Variants in KSR1 observed in about 807,000 individuals in gnomAD.
KSR1 encodes the protein kinase suppressor of ras 1, also known as kinase suppressor of ras.
Under a neutral mutation model 92.9 loss-of-function variants are expected in KSR1, and 35 were observed. That is an observed-to-expected ratio of 0.38 (90% CI 0.29 to 0.50). The LOEUF is 0.50. Ranked by LOEUF, KSR1 falls within the 20% of genes least tolerant of loss-of-function variation. The probability of loss-of-function intolerance (pLI) is 0.94; values close to 1 mark genes in which losing one functional copy is unlikely to be tolerated. For missense variants in KSR1, 972 were observed against 1,158.5 expected (o/e 0.84, Z 2.34); for synonymous variants, 467 against 472.6 (o/e 0.99, Z 0.15).
At chr17:27,611,004 C>T (rs2073899100) in intron 17 of KSR1, among the ~76,000 whole-genome samples, 1 of 152,202 alleles carries the variant, frequency 6.6e-6, no homozygotes, top group African/African-American at 2.4e-5. Context: ...AGGCTCACCA[C>T]CCCGGTCACC....
intron 6 of KSR1, 99 bp from the exon 7 acceptor site, chr17:27,590,712 A>G (rs2073135168): frequency 8.9e-7 from 1 of 1,119,042 alleles, no homozygotes; most frequent in Admixed American, 2.0e-5. Context: ...GGATGGAGCC[A>G]AGACTCCCAG....
chr17:27,606,080 GA>G (rs1483758773), intron 14 of KSR1, among the ~76,000 whole-genome samples: 9 of 152,342 alleles, frequency 5.9e-5, no homozygotes, highest in Admixed American at 3.9e-4. Flanking sequence ...AGGAGCTTGA[GA>G]CCAGCCTGGG....
intron 18 of KSR1, among the ~76,000 whole-genome samples, chr17:27,613,423 AG>A (rs1016556502): frequency 1.2e-4 from 18 of 152,366 alleles, no homozygotes; most frequent in African/African-American, 3.6e-4. Context: ...TCAGCAAAAA[AG>A]AGGGGGTCCT....
chr17:27,610,246 G>A (rs772780294), intron 17 of KSR1, 48 bp downstream of exon 17: 23 of 1,610,888 alleles, frequency 1.4e-5, no homozygotes, highest in Non-Finnish European at 2.0e-5. Context: ...CAAAACAGAG[G>A]GCCCTGGTGG....
intron 2 of KSR1, among the ~76,000 whole-genome samples, chr17:27,573,307 C>T (rs2072381330): frequency 6.6e-6 from 1 of 152,232 alleles, no homozygotes. Flanking sequence ...TTCCCCAACA[C>T]CAAGGGAGGA....
At chr17:27,473,446 C>A (rs1049380204) in intron 1 of KSR1, among the ~76,000 whole-genome samples, 1 of 152,130 alleles carries the variant, frequency 6.6e-6, no homozygotes, top group Non-Finnish European at 1.5e-5. Flanking sequence ...GGTGGCCATT[C>A]GCAGAAAGGA....
Position 27,577,396 on chromosome 17 carries a change from G to A in KSR1, c.373-96G>A. The A allele has an allele frequency of 1.4e-6, 1 of 728,102 alleles. No homozygotes were observed. Among genetic ancestry groups the A allele is most frequent in the South Asian group, 1.7e-5 (1 of 57,762 alleles). 45.1% of individuals were successfully genotyped at this position (728,102 alleles called of 1,614,324 possible). On this transcript the variant is annotated intron_variant, in intron 2 of 20. Coordinates refer to ENST00000644974, the MANE Select transcript of KSR1 (RefSeq NM_001394583.1). This position sits in a 1 kb window ranked among gnomAD's most constrained non-coding sequence, Gnocchi z 4.5. Reference sequence around the variant, plus strand: ...CAGAGGCCGGCCCAGCCAGCAGCTGGCCCCTGCCACTCAGCAGGAGGCCAG... The same window carrying A: ...CAGAGGCCGGCCCAGCCAGCAGCTGACCCCTGCCACTCAGCAGGAGGCCAG...
chr17:27,603,844 CT>C lies in KSR1; in HGVS notation c.1524del (p.Phe508LeufsTer84). The C allele has an allele frequency of 6.2e-7, 1 of 1,613,996 alleles. No homozygotes were observed. The highest frequency in any genetic ancestry group is 8.5e-7 in the Non-Finnish European group (1 of 1,179,886). On this transcript the variant is annotated frameshift_variant, in exon 12 of 21. Transcript: ENST00000644974. LOFTEE classifies it high-confidence loss of function. ...TTTTGTTTCCTCCAGACATTTCAGC[CT>C]TTGCACACGCAGCCCCGCTCCCTGA... ...QQFIFPDISA[F>X]AHAAPLPEAA...
At chr17:27,614,506 A>C (rs2074004830) in intron 18 of KSR1, among the ~76,000 whole-genome samples, 1 of 152,224 alleles carries the variant, frequency 6.6e-6, no homozygotes. Context: ...AGCAGAGCTG[A>C]GCAAAGGGCT....
intron 6 of KSR1, among the ~76,000 whole-genome samples, chr17:27,589,040 C>G (rs756302413): frequency 2.0e-5 from 3 of 152,198 alleles, no homozygotes; most frequent in Non-Finnish European, 4.4e-5. Context: ...TGTGAGCCTC[C>G]ACAGACCTGG....
intron 1 of KSR1, among the ~76,000 whole-genome samples, 185 bp from the exon 2 acceptor site, chr17:27,550,383 C>G (rs933500018): frequency 1.3e-5 from 2 of 152,190 alleles, no homozygotes; most frequent in African/African-American, 4.8e-5. Context: ...GGCCACCAGC[C>G]TCTGCCTGTT....
intron 2 of KSR1, among the ~76,000 whole-genome samples, chr17:27,574,986 G>A (rs2072449778): frequency 1.3e-5 from 2 of 152,360 alleles, no homozygotes; most frequent in South Asian, 2.1e-4. Flanking sequence ...CCACTGGGCT[G>A]TAGGCCACTT....
intron 1 of KSR1, among the ~76,000 whole-genome samples, chr17:27,533,476 C>T (rs542773305): frequency 3.9e-5 from 6 of 151,978 alleles, no homozygotes; most frequent in South Asian, 2.1e-4. Context: ...CTCTGCCTCC[C>T]GGGTTCATGC....
intron 1 of KSR1, among the ~76,000 whole-genome samples, chr17:27,460,278 A>G (rs1232298229): frequency 6.6e-6 from 1 of 152,132 alleles, no homozygotes; most frequent in Non-Finnish European, 1.5e-5. Context: ...AGCGCTGGGG[A>G]GACAAGGGTG....
intron 1 of KSR1, among the ~76,000 whole-genome samples, chr17:27,480,380 ATTTTC>A (rs962362694): frequency 5.9e-5 from 9 of 151,972 alleles, no homozygotes; most frequent in African/African-American, 1.4e-4. Flanking sequence ...TCATTCACTG[ATTTTC>A]TTTTCTTTTC....
intron 1 of KSR1, among the ~76,000 whole-genome samples, chr17:27,530,386 A>G (rs1567797199): frequency 6.6e-6 from 1 of 151,754 alleles, no homozygotes; most frequent in Non-Finnish European, 1.5e-5. Flanking sequence ...TCGAGGCTAC[A>G]CTGAGCCGTG....
intron 1 of KSR1, among the ~76,000 whole-genome samples, chr17:27,517,210 T>A (rs971907742): frequency 6.6e-6 from 1 of 152,238 alleles, no homozygotes; most frequent in Non-Finnish European, 1.5e-5. Flanking sequence ...CCTTTAAGGG[T>A]GGCTACCTAT....
intron 1 of KSR1, among the ~76,000 whole-genome samples, chr17:27,505,418 GC>G (rs921419745): frequency 6.6e-5 from 10 of 152,226 alleles, no homozygotes; most frequent in Non-Finnish European, 1.2e-4. Context: ...CCAAGAAGGT[GC>G]CTGCCTGCAG....
chr17:27,604,022 C>T, intron 12 of KSR1, 134 bp downstream of exon 12: 3 of 884,726 alleles, frequency 3.4e-6, no homozygotes, highest in Non-Finnish European at 5.4e-6. Flanking sequence ...GCTCATTCAC[C>T]CTCTGGGCAA....
Sources: gnomAD v4.1 joint callset for allele counts (sites outside exome capture counted in the v4.1 genomes callset) on GRCh38, gnomAD v4.1.1 for gene constraint, Gnocchi (gnomAD v3.1) non-coding constraint, MANE v1.5 for transcripts, NCBI Gene and HGNC (gene_info 2026-07-23, HGNC 2026-07-21) for gene names.